Variants in FCHSD2 observed in about 807,000 individuals in gnomAD.
FCHSD2 encodes the protein FCH and double SH3 domains 2, also known as F-BAR and double SH3 domains protein 2.
In FCHSD2, 38 loss-of-function variants were observed where a neutral mutation model predicts 108.1. The ratio of observed to expected loss-of-function variants is 0.35; its 90% CI spans 0.27 to 0.46. FCHSD2 has a LOEUF of 0.46. Ranked by LOEUF, FCHSD2 falls within the 20% of genes least tolerant of loss-of-function variation. The pLI, the probability that FCHSD2 is intolerant of heterozygous loss-of-function variation, is 1.00. For synonymous variants in FCHSD2, 279 were observed against 314.7 expected (o/e 0.89, Z 1.20); for missense variants, 751 against 897.8 (o/e 0.84, Z 2.09).
intron 3 of FCHSD2, among the ~76,000 whole-genome samples, chr11:73,025,680 T>A (rs560544711): frequency 6.4e-4 from 98 of 152,276 alleles, no homozygotes; most frequent in African/African-American, 2.3e-3. Flanking sequence ...ATTTTAAAAA[T>A]TTTTTAAATC....
At chr11:73,061,866 G>A (rs1309829280) in intron 3 of FCHSD2, among the ~76,000 whole-genome samples, 2 of 152,160 alleles carry the variant, frequency 1.3e-5, no homozygotes, top group African/African-American at 4.8e-5. Flanking sequence ...GGGGAAAGGG[G>A]CAGCTGTGGG....
chr11:72,957,019 C>CT (rs76815220), intron 8 of FCHSD2, among the ~76,000 whole-genome samples: 19 of 145,900 alleles, frequency 1.3e-4, no homozygotes, highest in African/African-American at 4.8e-4. Flanking sequence ...GGACTCTAGT[C>CT]TTTTTTTTTT....
At chr11:72,986,285 C>CT (rs1271690849) in intron 6 of FCHSD2, among the ~76,000 whole-genome samples, 1 of 152,210 alleles carries the variant, frequency 6.6e-6, no homozygotes, top group Admixed American at 6.5e-5. Flanking sequence ...TCTCTGCTCA[C>CT]TGCAACCTCT....
intron 2 of FCHSD2, among the ~76,000 whole-genome samples, chr11:73,103,991 C>T (rs1333114102): frequency 1.3e-5 from 2 of 152,234 alleles, no homozygotes; most frequent in African/African-American, 2.4e-5. Flanking sequence ...GGTGCAAATA[C>T]TAATACAAAA....
intron 12 of FCHSD2, among the ~76,000 whole-genome samples, chr11:72,883,861 G>C (rs938715987): frequency 1.3e-5 from 2 of 151,840 alleles, no homozygotes; most frequent in Non-Finnish European, 2.9e-5. Context: ...GAGCCCAGGA[G>C]GTTCGGGCGG....
chr11:72,841,414 G>A, intron 18 of FCHSD2, 40 bp downstream of exon 18: 1 of 1,570,930 alleles, frequency 6.4e-7, no homozygotes, highest in Admixed American at 1.8e-5. Context: ...GGTTTCTGAA[G>A]TGAAAATGCA....
intron 3 of FCHSD2, among the ~76,000 whole-genome samples, chr11:73,080,989 G>C (rs921239489): frequency 7.3e-5 from 11 of 150,824 alleles, no homozygotes; most frequent in African/African-American, 2.5e-4. Flanking sequence ...ATAAAATAAA[G>C]AAATAGAAAT....
chr11:73,054,001 A>C (rs1050417352), intron 3 of FCHSD2, among the ~76,000 whole-genome samples: 1 of 152,190 alleles, frequency 6.6e-6, no homozygotes, highest in Non-Finnish European at 1.5e-5. Flanking sequence ...TTTAAGGGAA[A>C]AGGGGGGAAG....
chr11:72,968,053 T>G (rs1856945289), intron 8 of FCHSD2, among the ~76,000 whole-genome samples: 1 of 147,040 alleles, frequency 6.8e-6, no homozygotes, highest in Non-Finnish European at 1.5e-5. Flanking sequence ...ATCGCACCAC[T>G]GCACTCCAGC....
intron 10 of FCHSD2, chr11:72,900,389 A>G: frequency 8.8e-7 from 1 of 1,131,346 alleles, no homozygotes. Context: ...ATTTAAGGCA[A>G]ACAAGGACAC....
chr11:72,989,329 G>A (rs1197257982), intron 5 of FCHSD2, among the ~76,000 whole-genome samples: 1 of 152,124 alleles, frequency 6.6e-6, no homozygotes, highest in African/African-American at 2.4e-5. Flanking sequence ...ACCATACATT[G>A]AGAAATAACC....
At chr11:73,122,908 C>A (rs1296782185) in intron 2 of FCHSD2, among the ~76,000 whole-genome samples, 1 of 152,178 alleles carries the variant, frequency 6.6e-6, no homozygotes, top group Non-Finnish European at 1.5e-5. Context: ...AGTCTCATTG[C>A]TGAATGTTTT....
chr11:72,994,161 G>A (rs974023574), intron 5 of FCHSD2, among the ~76,000 whole-genome samples: 2 of 152,162 alleles, frequency 1.3e-5, no homozygotes, highest in Admixed American at 1.3e-4. Context: ...ACAATAGTGG[G>A]AGAATTATTT....
chr11:72,900,454 T>C (rs540121267), intron 10 of FCHSD2: 46 of 642,044 alleles, frequency 7.2e-5, no homozygotes, highest in African/African-American at 6.6e-4. Flanking sequence ...AGGGCTGCAG[T>C]TGGGCTGGGA....
chr11:72,989,759 AC>A (rs1244722501), intron 5 of FCHSD2, among the ~76,000 whole-genome samples: 8 of 152,354 alleles, frequency 5.3e-5, no homozygotes, highest in South Asian at 4.1e-4. Flanking sequence ...CTGCCTCAGG[AC>A]CTTTCTGAGT....
At chr11:73,024,164 T>TA (rs200513826) in intron 3 of FCHSD2, among the ~76,000 whole-genome samples, 1,537 of 151,840 alleles carry the variant, frequency 0.01, 20 homozygotes, top group Non-Finnish European at 0.015. Flanking sequence ...ATACGTAAAT[T>TA]AAAAAAAATC....
intron 9 of FCHSD2, among the ~76,000 whole-genome samples, chr11:72,903,621 G>T (rs143029589): frequency 5.3e-5 from 8 of 152,152 alleles, no homozygotes; most frequent in Non-Finnish European, 2.9e-5. Context: ...CCTTGGGAAA[G>T]AGTGGAAATC....
At chr11:73,075,887 C>T (rs904595927) in intron 3 of FCHSD2, among the ~76,000 whole-genome samples, 3 of 151,806 alleles carry the variant, frequency 2.0e-5, no homozygotes, top group African/African-American at 7.3e-5. Context: ...GGGAGGCCAA[C>T]GCAGTCGGAT....
intron 8 of FCHSD2, among the ~76,000 whole-genome samples, chr11:72,959,808 A>G (rs950831843): frequency 1.1e-4 from 16 of 152,030 alleles, no homozygotes; most frequent in Non-Finnish European, 1.3e-4. Context: ...GCTGATGAGC[A>G]GAGGTAGAAC....
Sources: gnomAD v4.1 joint callset for allele counts (sites outside exome capture counted in the v4.1 genomes callset) on GRCh38, gnomAD v4.1.1 for gene constraint, MANE v1.5 for transcripts, NCBI Gene and HGNC (gene_info 2026-07-23, HGNC 2026-07-21) for gene names.